The following ARHGAP15 variants were observed in gnomAD, a reference collection of about 807,000 sequenced individuals.
The protein encoded by ARHGAP15 is Rho GTPase activating protein 15.
ARHGAP15 carries 51 observed loss-of-function variants against 63.7 expected under a neutral mutation model. That is an observed-to-expected ratio of 0.80 (90% CI 0.64 to 1.01). The LOEUF (loss-of-function observed/expected upper bound fraction) is 1.01. ARHGAP15 is among the 50% of genes least tolerant of loss of function. The probability of loss-of-function intolerance (pLI) is 0.00; values close to 1 mark genes in which losing one functional copy is unlikely to be tolerated. For missense variants in ARHGAP15, 560 were observed against 564.6 expected (o/e 0.99, Z 0.08); for synonymous variants, 191 against 193.8 (o/e 0.99, Z 0.12).
intron 6 of ARHGAP15, among the ~76,000 whole-genome samples, chr2:143,335,374 A>G (rs909151395): frequency 2.6e-5 from 4 of 152,178 alleles, no homozygotes; most frequent in African/African-American, 7.2e-5. Context: ...TACTGTTTTA[A>G]GTAAAAATGT....
At chr2:143,276,974 T>C (rs62170385) in intron 6 of ARHGAP15, among the ~76,000 whole-genome samples, 3,858 of 152,286 alleles carry the variant, frequency 0.025, 69 homozygotes, top group Middle Eastern at 0.099. Context: ...AATTGCATCG[T>C]TGGAGACTTC....
intron 13 of ARHGAP15, among the ~76,000 whole-genome samples, chr2:143,761,071 T>A (rs1395904185): frequency 6.6e-6 from 1 of 152,156 alleles, no homozygotes; most frequent in Non-Finnish European, 1.5e-5. Context: ...TGCTAAGTCC[T>A]CAATCTTATA....
chr2:143,231,069 C>CTTTTTTTTTTTTTTTTTTT (rs914904536), intron 5 of ARHGAP15, among the ~76,000 whole-genome samples: 1 of 125,456 alleles, frequency 8.0e-6, no homozygotes, highest in Admixed American at 8.4e-5. Flanking sequence ...GATGTAATTC[C>CTTTTTTTTTTTTTTTTTTT]TTTTTTTTTT....
chr2:143,490,584 C>A (rs1692542808), intron 9 of ARHGAP15, among the ~76,000 whole-genome samples: 1 of 151,848 alleles, frequency 6.6e-6, no homozygotes, highest in Non-Finnish European at 1.5e-5. Context: ...GGAAACAGTC[C>A]CTTGATGGTG....
At chr2:143,587,159 G>T (rs1697139706) in intron 11 of ARHGAP15, among the ~76,000 whole-genome samples, 1 of 152,116 alleles carries the variant, frequency 6.6e-6, no homozygotes, top group South Asian at 2.1e-4. Context: ...CCCATGTCCT[G>T]ATACTCTAAT....
chr2:143,540,700 T>C (rs1695008269), intron 10 of ARHGAP15, among the ~76,000 whole-genome samples: 1 of 152,246 alleles, frequency 6.6e-6, no homozygotes, highest in African/African-American at 2.4e-5. Context: ...TGTTGAGTAT[T>C]GGCCCCCACT....
chr2:143,211,179 T>C (rs554866916), intron 3 of ARHGAP15, among the ~76,000 whole-genome samples: 2 of 151,948 alleles, frequency 1.3e-5, no homozygotes, highest in Non-Finnish European at 1.5e-5. Flanking sequence ...GCAGAGACAG[T>C]ATGGGAATAA....
intron 11 of ARHGAP15, among the ~76,000 whole-genome samples, chr2:143,568,932 A>T (rs1343145848): frequency 6.6e-6 from 1 of 152,170 alleles, no homozygotes; most frequent in Non-Finnish European, 1.5e-5. Flanking sequence ...GAAACACCAC[A>T]TGTTCTCACT....
At chr2:143,647,540 T>A (rs1304717503) in intron 12 of ARHGAP15, among the ~76,000 whole-genome samples, 1 of 151,916 alleles carries the variant, frequency 6.6e-6, no homozygotes, top group Non-Finnish European at 1.5e-5. Context: ...TTATAGTTAT[T>A]TTATGTGGTA....
At chr2:143,642,128 A>ATG (rs775522136) in intron 12 of ARHGAP15, among the ~76,000 whole-genome samples, 3 of 152,150 alleles carry the variant, frequency 2.0e-5, no homozygotes, top group Non-Finnish European at 4.4e-5. Flanking sequence ...ATGTTTGTAA[A>ATG]TATTTATATG....
chr2:143,660,331 A>G (rs914560318), intron 12 of ARHGAP15, among the ~76,000 whole-genome samples: 3 of 152,154 alleles, frequency 2.0e-5, no homozygotes, highest in East Asian at 1.9e-4. Flanking sequence ...GGGAATTCCA[A>G]TTGCATTTGG....
intron 12 of ARHGAP15, among the ~76,000 whole-genome samples, chr2:143,661,623 C>A (rs548059897): frequency 6.6e-6 from 1 of 152,140 alleles, no homozygotes; most frequent in Non-Finnish European, 1.5e-5. Flanking sequence ...GTGTGAGCGA[C>A]GCAGAAGACG....
At chr2:143,183,416 A>G (rs1691313106) in intron 2 of ARHGAP15, among the ~76,000 whole-genome samples, 1 of 152,190 alleles carries the variant, frequency 6.6e-6, no homozygotes, top group South Asian at 2.1e-4. Flanking sequence ...GATGTAAGCC[A>G]TGTTTTTTCT....
chr2:143,322,238 C>G (rs552968229), intron 6 of ARHGAP15, among the ~76,000 whole-genome samples: 1 of 152,278 alleles, frequency 6.6e-6, no homozygotes, highest in South Asian at 2.1e-4. Flanking sequence ...TTCTGTCAGG[C>G]TGACTGATGG....
intron 12 of ARHGAP15, among the ~76,000 whole-genome samples, chr2:143,643,505 G>A (rs117959816): frequency 6.8e-6 from 1 of 146,500 alleles, no homozygotes; most frequent in African/African-American, 2.5e-5. Context: ...AATCACCTCG[G>A]ATCATGTTAG....
intron 12 of ARHGAP15, among the ~76,000 whole-genome samples, chr2:143,645,715 T>C (rs1680838819): frequency 6.6e-6 from 1 of 152,120 alleles, no homozygotes; most frequent in African/African-American, 2.4e-5. Context: ...GTAAGTCAAA[T>C]TCCGCGATAC....
intron 13 of ARHGAP15, among the ~76,000 whole-genome samples, chr2:143,710,368 G>T (rs1042735110): frequency 6.6e-6 from 1 of 152,088 alleles, no homozygotes; most frequent in African/African-American, 2.4e-5. Flanking sequence ...CTCTGATCGC[G>T]AGGGTGAAGC....
intron 2 of ARHGAP15, among the ~76,000 whole-genome samples, chr2:143,195,342 A>C (rs910310193): frequency 6.6e-6 from 1 of 152,192 alleles, no homozygotes; most frequent in African/African-American, 2.4e-5. Flanking sequence ...AAGGAACAAA[A>C]CAGAAAAATT....
At chr2:143,225,636 A>G (rs908010279) in intron 4 of ARHGAP15, among the ~76,000 whole-genome samples, 1 of 146,826 alleles carries the variant, frequency 6.8e-6, no homozygotes, top group African/African-American at 2.5e-5. Flanking sequence ...ACAAAACAAA[A>G]CAAAAACCAG....
Sources: allele counts gnomAD v4.1 joint callset (sites outside exome capture counted in the v4.1 genomes callset), GRCh38; gene constraint gnomAD v4.1.1; transcripts MANE v1.5; gene names NCBI Gene and HGNC (gene_info 2026-07-23, HGNC 2026-07-21).